The following PCDH11X variants were observed in gnomAD, a reference collection of about 807,000 sequenced individuals.
PCDH11X encodes the protein protocadherin-11 X-linked.
A neutral mutation model predicts 53.3 loss-of-function variants in PCDH11X; 18 were observed. The ratio of observed to expected loss-of-function variants is 0.34; its 90% CI spans 0.23 to 0.50. PCDH11X has a LOEUF of 0.50. Ranked by LOEUF, PCDH11X falls within the 20% of genes least tolerant of loss-of-function variation. The pLI, the probability that PCDH11X is intolerant of heterozygous loss-of-function variation, is 0.98. For synonymous variants in PCDH11X, 279 were observed against 393.3 expected, an observed-to-expected ratio of 0.71 and a Z score of 3.44; for missense variants, 570 against 1,032.4, an observed-to-expected ratio of 0.55 and a Z score of 6.14.
At chrX:91,994,573 A>T (rs1285358549) in intron 6 of PCDH11X, among the ~76,000 whole-genome samples, 2 of 96,504 alleles carry the variant, frequency 2.1e-5, no homozygotes, top group Non-Finnish European at 4.1e-5. Flanking sequence ...TTGCTTCCAT[A>T]TCTTGGCTAT....
At position 92,509,237 on chromosome X, in the gene PCDH11X, C is replaced by A. The variant is rs749542901; in HGVS notation, c.3367+40915C>A. On this transcript the variant is annotated intron_variant, in intron 10 of 10. Coordinates refer to ENST00000682573, the MANE Select transcript of PCDH11X (RefSeq NM_032968.5). ...CTGTAATAAATTGTAAGATTTGCTTCTTAGCTCAAATGATGGGATGGAAAT... is the reference window on the plus strand; with the variant it reads ...CTGTAATAAATTGTAAGATTTGCTTATTAGCTCAAATGATGGGATGGAAAT... 5.4e-5 allele frequency among the ~76,000 whole-genome samples: 6 copies of A among 110,218 alleles called. No individual in the cohort carries two copies. In the South Asian group the frequency reaches 2.4e-3, roughly 43 times the overall value.
intron 6 of PCDH11X, among the ~76,000 whole-genome samples, chrX:91,910,622 T>G (rs1422510128): frequency 9.1e-6 from 1 of 110,330 alleles, no homozygotes; most frequent in Non-Finnish European, 1.9e-5. Context: ...TACATTCTAA[T>G]GTGGGCATGT....
At chrX:91,825,007 C>A (rs1310959451) in intron 4 of PCDH11X, among the ~76,000 whole-genome samples, 1 of 110,555 alleles carries the variant, frequency 9.0e-6, no homozygotes, top group Non-Finnish European at 1.9e-5. Flanking sequence ...GGTCAGGGAC[C>A]CACTTGAGGA....
At chrX:91,882,116 T>C (rs1939936778) in intron 6 of PCDH11X, among the ~76,000 whole-genome samples, 1 of 110,651 alleles carries the variant, frequency 9.0e-6, no homozygotes, top group South Asian at 3.8e-4. Context: ...TGAAAATATA[T>C]GGAACATTTA....
At chrX:92,015,470 A>G (rs900410449) in intron 6 of PCDH11X, among the ~76,000 whole-genome samples, 7 of 112,700 alleles carry the variant, frequency 6.2e-5, no homozygotes, top group African/African-American at 2.3e-4. Context: ...ATTTCAGTCA[A>G]TCCTTTTATG....
At chrX:92,255,514 G>A (rs1433384927) in intron 7 of PCDH11X, among the ~76,000 whole-genome samples, 22 of 108,516 alleles carry the variant, frequency 2.0e-4, no homozygotes, top group African/African-American at 6.4e-4. Flanking sequence ...GAGGAGAGGC[G>A]CTCTGATTTT....
chrX:92,138,589 C>A (rs2065122739), intron 6 of PCDH11X, among the ~76,000 whole-genome samples: 1 of 110,239 alleles, frequency 9.1e-6, no homozygotes, highest in Admixed American at 9.8e-5. Flanking sequence ...ATAATATATT[C>A]TCTGAATATT....
At position 92,545,402 on chromosome X, in the gene PCDH11X, T is replaced by G. The variant is rs1182699571; in HGVS notation, c.3368-72862T>G. Among the ~76,000 whole-genome samples the G allele has an allele frequency of 4.3e-5, 4 of 92,366 alleles. No homozygotes were observed. The East Asian group carries it at 1.5e-3, about 34-fold the overall frequency. The allele number at this position is 92,366 out of a possible 115,157, so 80.2% of individuals were successfully genotyped here. On this transcript the variant is annotated intron_variant, in intron 10 of 10. Transcript: ENST00000682573. ...GGTTAAATTCCTTTTTTTTTTTTTT[T>G]TTTTTTTTTTTGTTTTTGAGGCGGA...
In PCDH11X at chrX:91,983,438, C is replaced by A. The variant is rs1602616910; in HGVS notation, c.3033+104165C>A. Reference sequence around the variant, plus strand: ...CAAATCAAGCATTATTAAGCCAAATCCATAGCCCTTAGTGAAGACATCCCT... The same window carrying A: ...CAAATCAAGCATTATTAAGCCAAATACATAGCCCTTAGTGAAGACATCCCT... On this transcript the variant is annotated intron_variant, in intron 6 of 10. Transcript: ENST00000682573. The A allele has an allele frequency of 7.5e-6, 5 of 663,391 alleles. No individual in the cohort carries two copies. In the East Asian group the frequency reaches 1.3e-4, roughly 17 times the overall value. The allele number at this position is 663,391 out of a possible 1,213,427, so 54.7% of individuals were successfully genotyped here. A position where few individuals can be genotyped will look rare whatever the true frequency, so the allele number is the denominator to read the frequency against.
intron 6 of PCDH11X, among the ~76,000 whole-genome samples, chrX:92,010,652 T>G (rs1370762241): frequency 2.7e-5 from 3 of 110,679 alleles, no homozygotes; most frequent in African/African-American, 9.9e-5. Context: ...AAGATGGATA[T>G]GCATAGATAT....
At chrX:92,374,996 T>A (rs1603293336) in intron 8 of PCDH11X, among the ~76,000 whole-genome samples, 1 of 105,864 alleles carries the variant, frequency 9.4e-6, no homozygotes, top group East Asian at 2.9e-4. Flanking sequence ...TAGATGTGAT[T>A]TCTTCATAAT....
intron 8 of PCDH11X, among the ~76,000 whole-genome samples, chrX:92,315,747 G>T (rs2069060498): frequency 9.3e-6 from 1 of 107,382 alleles, no homozygotes; most frequent in African/African-American, 3.4e-5. Flanking sequence ...TGTTGCCCAG[G>T]CTGGTCCTGA....
intron 8 of PCDH11X, among the ~76,000 whole-genome samples, chrX:92,294,343 G>A (rs1326060379): frequency 1.4e-4 from 16 of 110,592 alleles, no homozygotes; most frequent in Non-Finnish European, 3.0e-4. Flanking sequence ...GGGTTTCACC[G>A]TGTTGGCCAG....
At chrX:92,079,980 A>C (rs769929849) in intron 6 of PCDH11X, among the ~76,000 whole-genome samples, 2 of 111,844 alleles carry the variant, frequency 1.8e-5, no homozygotes, top group East Asian at 5.6e-4. Context: ...AGATATAATT[A>C]AGTTTGCTAG....
At chrX:92,606,656 C>T (rs1475794226) in intron 10 of PCDH11X, among the ~76,000 whole-genome samples, 1 of 110,043 alleles carries the variant, frequency 9.1e-6, no homozygotes, top group Non-Finnish European at 1.9e-5. Flanking sequence ...CAAGCAACAA[C>T]AAAAAAATAC....
At chrX:92,605,013 T>G (rs1287169550) in intron 10 of PCDH11X, among the ~76,000 whole-genome samples, 3 of 97,069 alleles carry the variant, frequency 3.1e-5, no homozygotes, top group African/African-American at 1.3e-4. Flanking sequence ...TTTTCAATAA[T>G]GGAACAACTA....
intron 10 of PCDH11X, among the ~76,000 whole-genome samples, chrX:92,484,201 ATATATGTATATATATG>A (rs1185756860): frequency 2.9e-3 from 204 of 70,228 alleles, no homozygotes; most frequent in African/African-American, 0.013. Context: ...GTATATATGT[ATATATGTATATATATG>A]TATATATGTA....
intron 6 of PCDH11X, among the ~76,000 whole-genome samples, chrX:91,936,364 A>G (rs756777949): frequency 7.3e-5 from 8 of 109,103 alleles, no homozygotes; most frequent in African/African-American, 2.6e-4. Context: ...CTGTGAGATG[A>G]AAATTTGATT....
intron 5 of PCDH11X, among the ~76,000 whole-genome samples, chrX:91,865,462 CAGCTCAGCACTGGGTCTCACCCAAGTTCA>C (rs1232394405): frequency 2.8e-5 from 3 of 108,348 alleles, no homozygotes; most frequent in Non-Finnish European, 3.8e-5. Flanking sequence ...GACCTAAAGC[CAGCTCAGCACTGGGTCTCACCCAAGTTCA>C]AGCTCAGCAC....
Sources: gnomAD v4.1 joint callset for allele counts (sites outside exome capture counted in the v4.1 genomes callset) on GRCh38, gnomAD v4.1.1 for gene constraint, MANE v1.5 for transcripts, NCBI Gene and HGNC (gene_info 2026-07-23, HGNC 2026-07-21) for gene names.